Variants in PCDHA11 observed in about 807,000 individuals in gnomAD.
PCDHA11 encodes the protein protocadherin alpha 11.
A neutral mutation model predicts 70.3 loss-of-function variants in PCDHA11; 61 were observed. The observed-to-expected ratio is 0.87, with a 90% CI of 0.71 to 1.07. The LOEUF (loss-of-function observed/expected upper bound fraction) is 1.07, where lower values mean the gene tolerates loss of function less well. PCDHA11 is among the 50% of genes least tolerant of loss of function. The pLI is 0.00. For synonymous variants in PCDHA11, 633 were observed against 555.1 expected, an observed-to-expected ratio of 1.14 and a Z score of -1.97; for missense variants, 1,324 against 1,237.5, an observed-to-expected ratio of 1.07 and a Z score of -1.05.
Position 140,870,289 on chromosome 5 carries a change from C to G in PCDHA11, c.1186C>G (p.Leu396Val). 6.2e-7 allele frequency: 1 copy of G among 1,614,214 alleles called. No homozygotes were observed. Among genetic ancestry groups the G allele is most frequent in the Non-Finnish European group, 8.5e-7 (1 of 1,180,036 alleles). Residue 396 changes from leucine (L) to valine (V), a missense_variant, in exon 1 of 4, where the codon CTG (leucine) becomes GTG (valine). Coordinates refer to ENST00000398640, the MANE Select transcript of PCDHA11 (RefSeq NM_018902.5). The part of the protein sequence containing the change: ...CSLTPHVPFK[L>V]VSTFKNYYSL... Reference sequence around the variant, plus strand: ...GCTGACGCCCCACGTTCCCTTCAAGCTGGTGTCCACCTTCAAGAATTACTA... The same window carrying G: ...GCTGACGCCCCACGTTCCCTTCAAGGTGGTGTCCACCTTCAAGAATTACTA...
At chr5:140,991,420 A>G (rs1413227137) in intron 3 of PCDHA11, among the ~76,000 whole-genome samples, 2 of 152,234 alleles carry the variant, frequency 1.3e-5, no homozygotes, top group Admixed American at 6.5e-5. Flanking sequence ...GCTATAACAA[A>G]TTAACCATAA....
At chr5:140,946,546 A>G (rs1418590491) in intron 1 of PCDHA11, among the ~76,000 whole-genome samples, 5 of 150,480 alleles carry the variant, frequency 3.3e-5, no homozygotes, top group Admixed American at 1.3e-4. Flanking sequence ...AGCATTATTC[A>G]TGATAGTTCA....
At chr5:141,003,870 C>A (rs1345140541) in intron 3 of PCDHA11, among the ~76,000 whole-genome samples, 8 of 152,148 alleles carry the variant, frequency 5.3e-5, no homozygotes, top group Admixed American at 3.9e-4. Flanking sequence ...GTCTGAAATC[C>A]TCCTTCTAGC....
chr5:140,877,835 G>A, intron 1 of PCDHA11: 11 of 1,586,326 alleles, frequency 6.9e-6, no homozygotes, highest in Non-Finnish European at 9.4e-6. Context: ...AATCCTCCCA[G>A]TGAAGTAAGT....
intron 1 of PCDHA11, among the ~76,000 whole-genome samples, chr5:140,906,125 T>G (rs1168148239): frequency 6.6e-6 from 1 of 152,028 alleles, no homozygotes; most frequent in Non-Finnish European, 1.5e-5. Flanking sequence ...GACACAAATG[T>G]TAGTCTCCTT....
At chr5:140,928,044 T>A (rs782342331) in intron 1 of PCDHA11, 1 of 1,614,196 alleles carries the variant, frequency 6.2e-7, no homozygotes, top group South Asian at 1.1e-5. Context: ...GTGCAGGCCC[T>A]TTTCAGCTGA....
intron 1 of PCDHA11, among the ~76,000 whole-genome samples, chr5:140,941,231 C>CTTTCTTTCTTTCTTTCTT (rs2092927472): frequency 2.2e-5 from 3 of 136,876 alleles, no homozygotes; most frequent in African/African-American, 8.3e-5. Context: ...TTCTTTCTTT[C>CTTTCTTTCTTTCTTTCTT]TTTCTTTCTT....
chr5:140,913,898 CTTTT>C (rs1351691139), intron 1 of PCDHA11, among the ~76,000 whole-genome samples: 2 of 152,020 alleles, frequency 1.3e-5, no homozygotes, highest in African/African-American at 4.8e-5. Flanking sequence ...CAAAATTCCC[CTTTT>C]TTATTTCTAA....
intron 1 of PCDHA11, among the ~76,000 whole-genome samples, chr5:140,920,489 A>G (rs1323711960): frequency 2.6e-5 from 4 of 152,182 alleles, no homozygotes; most frequent in African/African-American, 9.7e-5. Flanking sequence ...TGGTCCAACA[A>G]TAGAGTTCTA....
intron 1 of PCDHA11, among the ~76,000 whole-genome samples, chr5:140,933,146 C>G (rs1554209206): frequency 1.3e-5 from 2 of 151,920 alleles, no homozygotes. Context: ...GATAGCCACT[C>G]ATTTTGTTCC....
intron 1 of PCDHA11, among the ~76,000 whole-genome samples, chr5:140,938,340 T>A (rs1210571018): frequency 6.6e-6 from 1 of 152,224 alleles, no homozygotes; most frequent in Non-Finnish European, 1.5e-5. Flanking sequence ...TAATGGATAA[T>A]CTTGTCTTAT....
chr5:140,956,259 A>G (rs534711265), intron 1 of PCDHA11, among the ~76,000 whole-genome samples: 1 of 152,252 alleles, frequency 6.6e-6, no homozygotes, highest in African/African-American at 2.4e-5. Flanking sequence ...GGTTTTGCCC[A>G]TTCAGTGTGG....
chr5:140,973,549 A>G (rs1040107774), intron 1 of PCDHA11, among the ~76,000 whole-genome samples: 2 of 152,230 alleles, frequency 1.3e-5, no homozygotes, highest in Non-Finnish European at 2.9e-5. Context: ...ATTTATTTCA[A>G]TTACCTCTTT....
Position 140,870,423 on chromosome 5 carries a change from A to G in PCDHA11, c.1320A>G (p.Val440=). The G allele has an allele frequency of 1.2e-6, 2 of 1,614,178 alleles. No homozygotes were observed. The highest frequency in any genetic ancestry group is 1.3e-5 in the African/African-American group (1 of 75,046). The change falls in exon 1 of 4, where the codon GTA becomes GTG. Residue 440 remains valine, a synonymous_variant. Coordinates refer to ENST00000398640, the MANE Select transcript of PCDHA11 (RefSeq NM_018902.5). ...GSPSLWATAR[V]SVEVADVNDN... ...CTTCTCTGTGGGCCACGGCCAGGGT[A>G]TCCGTGGAGGTGGCCGACGTGAACG...
chr5:140,927,451 T>C (rs782170767), intron 1 of PCDHA11: 4 of 1,614,082 alleles, frequency 2.5e-6, no homozygotes, highest in South Asian at 1.1e-5. Context: ...GGAGTTGGTG[T>C]TGGAGAAAGC....
At chr5:140,994,848 T>C (rs1453646097) in intron 3 of PCDHA11, among the ~76,000 whole-genome samples, 2 of 151,686 alleles carry the variant, frequency 1.3e-5, no homozygotes, top group East Asian at 3.9e-4. Flanking sequence ...ATAAGATGAG[T>C]GCATTTGATG....
chr5:140,937,790 T>G (rs2091754196), intron 1 of PCDHA11, among the ~76,000 whole-genome samples: 1 of 151,512 alleles, frequency 6.6e-6, no homozygotes, highest in Non-Finnish European at 1.5e-5. Flanking sequence ...CGGGCGTATG[T>G]AGTCCCAGCT....
chr5:140,958,492 A>G (rs2095426229), intron 1 of PCDHA11, among the ~76,000 whole-genome samples: 1 of 152,112 alleles, frequency 6.6e-6, no homozygotes, highest in Non-Finnish European at 1.5e-5. Context: ...AAGTCCACAT[A>G]TCCTAGGAGG....
chr5:140,937,964 A>G (rs1298140144), intron 1 of PCDHA11, among the ~76,000 whole-genome samples: 1 of 152,164 alleles, frequency 6.6e-6, no homozygotes, highest in East Asian at 1.9e-4. Flanking sequence ...GAAAGTATAT[A>G]GAAATAATAC....
Sources: allele counts gnomAD v4.1 joint callset (sites outside exome capture counted in the v4.1 genomes callset), GRCh38; gene constraint gnomAD v4.1.1; transcripts MANE v1.5; gene names NCBI Gene and HGNC (gene_info 2026-07-23, HGNC 2026-07-21).